Variants in DNAJC13 observed in about 807,000 individuals in gnomAD.
The protein encoded by DNAJC13 is DnaJ heat shock protein family (Hsp40) member C13.
In DNAJC13, 75 loss-of-function variants were observed where a neutral mutation model predicts 290.5. That is an observed-to-expected ratio of 0.26 (90% confidence interval 0.21 to 0.31). The LOEUF is 0.31. Among genes scored for constraint, DNAJC13 ranks in the 10% least tolerant of loss-of-function variants. The pLI is 1.00. For synonymous variants in DNAJC13, 862 were observed against 892.0 expected (o/e 0.97, Z 0.60); for missense variants, 2,260 against 2,674.5 (o/e 0.85, Z 3.42).
intron 55 of DNAJC13, chr3:132,537,012 A>G (rs375743217): frequency 3.3e-5 from 14 of 419,708 alleles, no homozygotes; most frequent in Middle Eastern, 3.5e-4. Flanking sequence ...CATAGTACCA[A>G]TACTTTTAAG....
chr3:132,523,317 C>T, intron 50 of DNAJC13, 118 bp downstream of exon 50: 1 of 1,297,852 alleles, frequency 7.7e-7, no homozygotes, highest in Non-Finnish European at 1.1e-6. Flanking sequence ...TTGGGTATTC[C>T]CCTGGAAAAT....
chr3:132,429,926 G>A (rs1475476456), intron 1 of DNAJC13, among the ~76,000 whole-genome samples: 1 of 152,050 alleles, frequency 6.6e-6, no homozygotes, highest in African/African-American at 2.4e-5. Flanking sequence ...TTAAATATTA[G>A]AGACAGAAAA....
In DNAJC13 at chr3:132,496,560, AT is replaced by A. The variant is rs761329727; in HGVS notation, c.4058del (p.Leu1353TyrfsTer8). On this transcript the variant is annotated frameshift_variant, in exon 36 of 56. Transcript: ENST00000260818. LOFTEE classifies it high-confidence loss of function. ...TTGAAAAAGTAAATAAAGCATATGA[AT>A]TTTTATGTACCAAATCAGCAAAAAT... is the stretch of plus-strand genomic sequence containing the variant. ...MFEKVNKAYE[F>X]LCTKSAKIVD... The A allele has an allele frequency of 6.2e-7, 1 of 1,604,224 alleles. No homozygotes were observed. The highest frequency in any genetic ancestry group is 1.3e-5 in the African/African-American group (1 of 74,604).
In DNAJC13 at chr3:132,461,224, C is replaced by T; in HGVS notation, c.1713+19C>T. The T allele has an allele frequency of 6.2e-7, 1 of 1,613,200 alleles. No individual in the cohort carries two copies. Among genetic ancestry groups the T allele is most frequent in the Non-Finnish European group, 8.5e-7 (1 of 1,179,392 alleles). Reference sequence around the variant, plus strand: ...TTTTCAGGTGAGAGCTTGTATTTTTCTTGTCAGATAACAGTGAATTTAAGG... The same window carrying T: ...TTTTCAGGTGAGAGCTTGTATTTTTTTTGTCAGATAACAGTGAATTTAAGG... On this transcript the variant is annotated intron_variant, in intron 15 of 55. Transcript: ENST00000260818.
chr3:132,452,245 G>T (rs757550141), intron 6 of DNAJC13, among the ~76,000 whole-genome samples: 8 of 152,206 alleles, frequency 5.3e-5, no homozygotes, highest in Non-Finnish European at 1.0e-4. Flanking sequence ...TTACTTGGGG[G>T]CAGCAAGAAG....
In DNAJC13 at chr3:132,533,811, C is replaced by T. The variant is rs1451434083; in HGVS notation, c.6625+2714C>T. ...TGAAATAAAAAACATATGTCCTTGA[C>T]TTACAGAGTGTGAACCAAAAGGTCT... is the stretch of plus-strand genomic sequence containing the variant. On this transcript the variant is annotated intron_variant, in intron 55 of 55. Coordinates refer to ENST00000260818, the MANE Select transcript of DNAJC13 (RefSeq NM_015268.4). 2.6e-5 allele frequency among the ~76,000 whole-genome samples: 4 copies of T among 152,204 alleles called. 1 individual carries two copies. In the South Asian group the frequency reaches 8.3e-4, roughly 31 times the overall value.
Position 132,479,222 on chromosome 3 carries a change from A to G in DNAJC13, c.2710-5A>G, listed in dbSNP as rs921266426. On this transcript the variant is annotated splice_region_variant and splice_polypyrimidine_tract_variant and intron_variant, in intron 24 of 55. Transcript: ENST00000260818. ...TTCTGACCAGATTCTCATTTATTTC[A>G]ATAGTGCACAGATAAACTTGAACGA... The G allele has an allele frequency of 2.5e-6, 4 of 1,590,300 alleles. No individual in the cohort carries two copies. The highest frequency in any genetic ancestry group is 2.7e-5 in the African/African-American group (2 of 74,296).
chr3:132,466,615 T>G (rs1158853416), intron 19 of DNAJC13, among the ~76,000 whole-genome samples: 1 of 152,226 alleles, frequency 6.6e-6, no homozygotes, highest in Admixed American at 6.5e-5. Flanking sequence ...TACAGAGTTG[T>G]GCAGCTATCA....
chr3:132,517,490 C>A (rs1477173608), intron 48 of DNAJC13, among the ~76,000 whole-genome samples: 1 of 152,092 alleles, frequency 6.6e-6, no homozygotes, highest in Non-Finnish European at 1.5e-5. Flanking sequence ...CAAAGCAGCC[C>A]CTTAGTCATA....
chr3:132,480,505 G>A (rs763870370), intron 26 of DNAJC13, 35 bp downstream of exon 26: 11 of 1,451,678 alleles, frequency 7.6e-6, no homozygotes, highest in African/African-American at 2.8e-5. Flanking sequence ...CAAATTTAAC[G>A]TTCTTTGAGT....
rs1177810094 is a variant in DNAJC13 at position 132,516,792 on chromosome 3, A to G, written c.5649A>G (p.Thr1883=). ...CAGCAGAACTTTTTGCCAAAATGACAGCAGATAAACTGATAGGTCCAAAGG... is the reference window on the plus strand; with the variant it reads ...CAGCAGAACTTTTTGCCAAAATGACGGCAGATAAACTGATAGGTCCAAAGG... ...AQTAELFAKM[T]ADKLIGPKVR... The change falls in exon 48 of 56, where the codon ACA becomes ACG. Residue 1883 remains threonine (T), a synonymous_variant. Transcript: ENST00000260818. The G allele has an allele frequency of 1.2e-6, 2 of 1,613,484 alleles. No homozygotes were observed. The highest frequency in any genetic ancestry group is 1.7e-5 in the Admixed American group (1 of 59,968).
intron 30 of DNAJC13, 40 bp from the exon 31 acceptor site, chr3:132,488,931 TAAATC>T: frequency 6.7e-7 from 1 of 1,486,096 alleles, no homozygotes; most frequent in South Asian, 1.2e-5. Context: ...TTACAAAAAC[TAAATC>T]GGTTTCTATA....
chr3:132,519,020 GC>G (rs1354679565), intron 48 of DNAJC13, among the ~76,000 whole-genome samples: 1 of 152,098 alleles, frequency 6.6e-6, no homozygotes, highest in Non-Finnish European at 1.5e-5. Context: ...TATTTTTATT[GC>G]CAAATAGTAT....
At chr3:132,475,865 C>T (rs1219151438) in intron 22 of DNAJC13, among the ~76,000 whole-genome samples, 1 of 152,132 alleles carries the variant, frequency 6.6e-6, no homozygotes, top group East Asian at 1.9e-4. Flanking sequence ...GTTCTTTGAC[C>T]TCGTTCATTT....
intron 2 of DNAJC13, among the ~76,000 whole-genome samples, chr3:132,443,183 C>T (rs1165485683): frequency 3.9e-5 from 6 of 151,928 alleles, no homozygotes; most frequent in South Asian, 2.1e-4. Flanking sequence ...TTTTTTGAGA[C>T]GGAGTCTCAT....
intron 35 of DNAJC13, among the ~76,000 whole-genome samples, chr3:132,496,244 ACTCT>A (rs1311624236): frequency 6.6e-6 from 1 of 151,790 alleles, no homozygotes; most frequent in Non-Finnish European, 1.5e-5. Flanking sequence ...ATAGACGCAA[ACTCT>A]CTCTAGTATG....
chr3:132,503,618 C>G (rs1935492073), intron 41 of DNAJC13, among the ~76,000 whole-genome samples: 1 of 152,182 alleles, frequency 6.6e-6, no homozygotes, highest in African/African-American at 2.4e-5. Flanking sequence ...TATCATAATT[C>G]TTACCAACCT....
chr3:132,487,159 T>G (rs1002743926), intron 29 of DNAJC13, among the ~76,000 whole-genome samples: 1 of 152,210 alleles, frequency 6.6e-6, no homozygotes, highest in Non-Finnish European at 1.5e-5. Context: ...GTTATTTACT[T>G]AAAAGACCCA....
chr3:132,426,575 A>C (rs1421528692), intron 1 of DNAJC13, among the ~76,000 whole-genome samples: 3 of 152,194 alleles, frequency 2.0e-5, no homozygotes, highest in African/African-American at 7.2e-5. Flanking sequence ...GTGGTTGTTG[A>C]TAGCATGTGC....
Sources: allele counts gnomAD v4.1 joint callset (sites outside exome capture counted in the v4.1 genomes callset), GRCh38; gene constraint gnomAD v4.1.1; transcripts MANE v1.5; gene names NCBI Gene and HGNC (gene_info 2026-07-23, HGNC 2026-07-21).